The following PRIM2 variants were observed in gnomAD, a reference collection of about 807,000 sequenced individuals.
PRIM2 encodes the protein DNA primase subunit 2.
In PRIM2, 39 loss-of-function variants were observed where a neutral mutation model predicts 67.3. The ratio of observed to expected loss-of-function variants is 0.58; its 90% CI spans 0.45 to 0.76. The LOEUF is 0.76. Ranked by LOEUF, PRIM2 falls within the 30% of genes least tolerant of loss-of-function variation. The pLI is 0.00. For missense variants in PRIM2, 398 were observed against 598.7 expected, an observed-to-expected ratio of 0.66 and a Z score of 3.50; for synonymous variants, 143 against 198.7, an observed-to-expected ratio of 0.72 and a Z score of 2.36.
rs1413616011 is a variant in PRIM2, at chr6:57,590,953, T to C, written c.1021-10140T>C. 1.0e-3 allele frequency among the ~76,000 whole-genome samples: 156 copies of C among 152,346 alleles called. 1 individual carries two copies. Among genetic ancestry groups the C allele is most frequent in the African/African-American group, 3.6e-3 (149 of 41,578 alleles). On this transcript the variant is annotated intron_variant, in intron 10 of 13. Transcript: ENST00000615550. The stretch of plus-strand genomic sequence containing the variant: ...ACTGTCCAAGGTCACACAGCTAGCA[T>C]GTAGTAGAGACAATATTTAAACTTG...
At chr6:57,296,603 G>C in the PRIM2 span, among the ~76,000 whole-genome samples, 3 of 151,820 alleles carry the variant, frequency 2.0e-5, no homozygotes, top group Non-Finnish European at 4.4e-5. Context: ...GGTGGTGGTA[G>C]TGGGTGGTGG....
chr6:57,414,632 G>C (rs1771199545), intron 7 of PRIM2, among the ~76,000 whole-genome samples: 1 of 152,074 alleles, frequency 6.6e-6, no homozygotes, highest in Admixed American at 6.6e-5. Context: ...CACAGATTTT[G>C]AATAGCTAGA....
At chr6:57,554,930 G>C (rs1581987345) in intron 10 of PRIM2, among the ~76,000 whole-genome samples, 1 of 152,150 alleles carries the variant, frequency 6.6e-6, no homozygotes, top group Non-Finnish European at 1.5e-5. Context: ...AGATAGGCTT[G>C]TCCTTAGAGA....
chr6:57,478,569 C>T (rs1773535738), intron 7 of PRIM2, among the ~76,000 whole-genome samples: 3 of 152,104 alleles, frequency 2.0e-5, no homozygotes, highest in Non-Finnish European at 4.4e-5. Flanking sequence ...ACATACTCTA[C>T]TAAAATTATT....
chr6:57,233,844 A>G, the PRIM2 span, among the ~76,000 whole-genome samples: 1 of 152,034 alleles, frequency 6.6e-6, no homozygotes, highest in East Asian at 1.9e-4. Context: ...ATTATTTTTT[A>G]TACAGACAGG....
intron 7 of PRIM2, among the ~76,000 whole-genome samples, chr6:57,492,543 A>C (rs1263349184): frequency 3.7e-5 from 2 of 53,392 alleles, no homozygotes; most frequent in Non-Finnish European, 4.2e-5. Flanking sequence ...AACTCTCTCT[A>C]AAAAAAAAAA....
chr6:57,428,639 T>C (rs1285270019), intron 7 of PRIM2, among the ~76,000 whole-genome samples: 8 of 152,182 alleles, frequency 5.3e-5, no homozygotes, highest in Admixed American at 3.9e-4. Context: ...TGGGGAGTTA[T>C]GAAGGGAGGG....
At chr6:57,565,542 T>G (rs1775720218) in intron 10 of PRIM2, among the ~76,000 whole-genome samples, 1 of 151,774 alleles carries the variant, frequency 6.6e-6, no homozygotes, top group South Asian at 2.1e-4. Context: ...TCAGCTCATG[T>G]GGTCAGGCAG....
chr6:57,581,912 G>T (rs1185949966), intron 10 of PRIM2, among the ~76,000 whole-genome samples: 5 of 152,188 alleles, frequency 3.3e-5, no homozygotes, highest in Non-Finnish European at 7.3e-5. Context: ...AACAAGAGGC[G>T]CATGAACTAG....
chr6:57,422,352 G>A (rs1771493506), intron 7 of PRIM2, among the ~76,000 whole-genome samples: 1 of 151,658 alleles, frequency 6.6e-6, no homozygotes. Context: ...GGCCGGGCTG[G>A]TCTTGAACTC....
the PRIM2 span, among the ~76,000 whole-genome samples, chr6:57,264,157 C>A: frequency 1.1e-4 from 17 of 152,114 alleles, no homozygotes; most frequent in African/African-American, 4.1e-4. Context: ...TTGTTTGTCC[C>A]CATTTATTGG....
chr6:57,493,646 A>G (rs1370360143), intron 7 of PRIM2, among the ~76,000 whole-genome samples: 1 of 152,246 alleles, frequency 6.6e-6, no homozygotes, highest in Non-Finnish European at 1.5e-5. Context: ...ACTAAAGAAA[A>G]CAAAATTTAA....
At position 57,402,226 on chromosome 6, in the gene PRIM2, G is replaced by T. The variant is rs528370137; in HGVS notation, c.693+20058G>T. Among the ~76,000 whole-genome samples, 265 of 152,336 alleles carry T rather than the reference G, an allele frequency of 1.7e-3. 1 individual carries two copies. The highest frequency in any genetic ancestry group is 1.5e-3 in the Non-Finnish European group (100 of 68,040). On this transcript the variant is annotated intron_variant, in intron 7 of 13. Coordinates refer to ENST00000615550, the MANE Select transcript of PRIM2 (RefSeq NM_000947.5). ...ACAGTGAAGACTGTGAAACAGCAAA[G>T]ATGGTAGTCTGCTCCTTCCTCTGGG...
intron 7 of PRIM2, among the ~76,000 whole-genome samples, chr6:57,407,132 A>G (rs1225096456): frequency 1.3e-5 from 2 of 152,178 alleles, no homozygotes; most frequent in African/African-American, 2.4e-5. Flanking sequence ...CAGTTATAAC[A>G]TTGACTATTA....
intron 7 of PRIM2, among the ~76,000 whole-genome samples, chr6:57,438,011 T>A (rs1772069906): frequency 6.6e-6 from 1 of 152,130 alleles, no homozygotes; most frequent in Admixed American, 6.5e-5. Context: ...AGTTACATGG[T>A]TATTGGTCAC....
At chr6:57,443,195 G>A (rs1480909140) in intron 7 of PRIM2, among the ~76,000 whole-genome samples, 2 of 152,156 alleles carry the variant, frequency 1.3e-5, no homozygotes, top group Non-Finnish European at 2.9e-5. Context: ...ATTGTGAATA[G>A]TGCTTCAGTG....
intron 7 of PRIM2, among the ~76,000 whole-genome samples, chr6:57,476,941 A>G (rs1773492191): frequency 6.6e-6 from 1 of 152,010 alleles, no homozygotes; most frequent in East Asian, 1.9e-4. Context: ...CTTTATAATA[A>G]ACTGTAAGAA....
At chr6:57,538,772 C>A (rs1775071210) in intron 10 of PRIM2, among the ~76,000 whole-genome samples, 7 of 152,136 alleles carry the variant, frequency 4.6e-5, no homozygotes. Context: ...TTACATGTGG[C>A]CTTCTTCTTG....
chr6:57,371,239 T>A (rs1769548371), intron 5 of PRIM2, among the ~76,000 whole-genome samples: 1 of 151,914 alleles, frequency 6.6e-6, no homozygotes, highest in South Asian at 2.1e-4. Flanking sequence ...GTTGAACTGA[T>A]GTGTGCTTCC....
Sources: allele counts gnomAD v4.1 joint callset (sites outside exome capture counted in the v4.1 genomes callset), GRCh38; gene constraint gnomAD v4.1.1; transcripts MANE v1.5; gene names NCBI Gene and HGNC (gene_info 2026-07-23, HGNC 2026-07-21).